The following STX8 variants were observed in gnomAD, a reference collection of about 807,000 sequenced individuals.
The protein encoded by STX8 is syntaxin 8, also known as syntaxin-8.
A neutral mutation model predicts 37.5 loss-of-function variants in STX8; 23 were observed. The ratio of observed to expected loss-of-function variants is 0.61; its 90% CI spans 0.44 to 0.87. STX8 has a LOEUF of 0.87. STX8 is among the 40% of genes least tolerant of loss of function. STX8 has a pLI of 0.00. For missense variants in STX8, 313 were observed against 284.7 expected, an observed-to-expected ratio of 1.10 and a Z score of -0.71; for synonymous variants, 115 against 99.1, an observed-to-expected ratio of 1.16 and a Z score of -0.95.
chr17:9,258,176 T>G (rs1222370670), intron 7 of STX8, among the ~76,000 whole-genome samples: 1 of 152,182 alleles, frequency 6.6e-6, no homozygotes, highest in Non-Finnish European at 1.5e-5. Context: ...TAGGTGACAT[T>G]TGCTTATGTA....
chr17:9,572,000 A>G (rs1165897212), intron 1 of STX8, among the ~76,000 whole-genome samples: 1 of 152,186 alleles, frequency 6.6e-6, no homozygotes, highest in African/African-American at 2.4e-5. Flanking sequence ...GGTGGTGAGT[A>G]TGAAAGGGGC....
At chr17:9,320,730 T>A (rs1005448590) in intron 7 of STX8, among the ~76,000 whole-genome samples, 2 of 143,782 alleles carry the variant, frequency 1.4e-5, no homozygotes, top group East Asian at 4.0e-4. Context: ...TCATCTCTAT[T>A]AAAAAAAAAA....
At chr17:9,499,257 C>T (rs922325772) in intron 5 of STX8, among the ~76,000 whole-genome samples, 8 of 152,086 alleles carry the variant, frequency 5.3e-5, no homozygotes, top group East Asian at 1.9e-4. Flanking sequence ...CTGGCAAGGA[C>T]GCAAACAAAG....
intron 7 of STX8, among the ~76,000 whole-genome samples, chr17:9,328,886 C>T (rs1909866681): frequency 1.3e-5 from 2 of 151,694 alleles, no homozygotes; most frequent in South Asian, 4.2e-4. Flanking sequence ...TCCATCTCTA[C>T]TAAAAGTACA....
In STX8 at chr17:9,507,084, T is replaced by G. The variant is rs964192877; in HGVS notation, c.324-1922A>C. The stretch of plus-strand genomic sequence containing the variant: ...CCCACTCTTGAGCCAACCAAACTGC[T>G]GCATACCCTCCTGCAAGCAGAAGGC... On this transcript the variant is annotated intron_variant, in intron 4 of 7. Transcript: ENST00000306357. This position sits in a 1 kb window ranked among gnomAD's most constrained non-coding sequence, Gnocchi z 4.0. Among the ~76,000 whole-genome samples, 1 of 151,904 alleles carries G rather than the reference T, an allele frequency of 6.6e-6. No homozygotes were observed. Among genetic ancestry groups the G allele is most frequent in the South Asian group, 2.1e-4 (1 of 4,814 alleles).
At chr17:9,493,710 T>C (rs1906954367) in intron 5 of STX8, among the ~76,000 whole-genome samples, 1 of 152,232 alleles carries the variant, frequency 6.6e-6, no homozygotes, top group South Asian at 2.1e-4. Flanking sequence ...TCCCTGCTAG[T>C]TCTGTTTTGA....
intron 4 of STX8, among the ~76,000 whole-genome samples, chr17:9,510,040 A>G (rs2142507292): frequency 6.6e-6 from 1 of 152,316 alleles, no homozygotes; most frequent in Non-Finnish European, 1.5e-5. Flanking sequence ...ACAAAGAAGG[A>G]CATTACATAA....
chr17:9,387,993 T>A (rs1346505886), intron 6 of STX8, among the ~76,000 whole-genome samples: 1 of 152,084 alleles, frequency 6.6e-6, no homozygotes, highest in Non-Finnish European at 1.5e-5. Context: ...AATGTTTTAA[T>A]CTAGACCGAA....
chr17:9,403,204 T>A (rs1028104162), intron 6 of STX8, among the ~76,000 whole-genome samples: 1 of 152,026 alleles, frequency 6.6e-6, no homozygotes, highest in African/African-American at 2.4e-5. Flanking sequence ...AAACACCATA[T>A]CAATCTAGAG....
rs903127388 is a variant in STX8 at position 9,545,231 on chromosome 17, A to C, written c.264T>G (p.Thr88=). The change falls in exon 4 of 8, where the codon ACT becomes ACG. Residue 88 remains threonine (T), a synonymous_variant. Transcript: ENST00000306357. ...RRQNLLDDLV[T]RERLLLASFK... Reference sequence around the variant, plus strand: ...AGGATGCCAGAAGTAGTCTCTCTCGAGTTACAAGATCATCCAAGAGGTTCT... The same window carrying C: ...AGGATGCCAGAAGTAGTCTCTCTCGCGTTACAAGATCATCCAAGAGGTTCT... 1 of 1,614,118 alleles carries C rather than the reference A, an allele frequency of 6.2e-7. No individual in the cohort carries two copies. Among genetic ancestry groups the C allele is most frequent in the Non-Finnish European group, 8.5e-7 (1 of 1,180,014 alleles).
chr17:9,415,383 G>C (rs1286656920), intron 6 of STX8, among the ~76,000 whole-genome samples: 2 of 151,876 alleles, frequency 1.3e-5, no homozygotes. Flanking sequence ...CAAGTTCCTG[G>C]TATCTGTAGC....
intron 6 of STX8, among the ~76,000 whole-genome samples, chr17:9,380,114 CTTT>C (rs1378548256): frequency 2.0e-5 from 3 of 152,062 alleles, no homozygotes; most frequent in Non-Finnish European, 4.4e-5. Flanking sequence ...TTGTATCCAT[CTTT>C]TTATATTTAC....
chr17:9,442,246 T>C (rs1360371028), intron 6 of STX8, among the ~76,000 whole-genome samples: 4 of 152,122 alleles, frequency 2.6e-5, no homozygotes, highest in Non-Finnish European at 5.9e-5. Context: ...CTCCCCTCCA[T>C]CCATCCACTT....
chr17:9,503,213 A>G (rs560495160), intron 5 of STX8, among the ~76,000 whole-genome samples: 24 of 151,710 alleles, frequency 1.6e-4, no homozygotes, highest in African/African-American at 5.8e-4. Context: ...CTTCTTCCCC[A>G]AAAGGTACAT....
intron 7 of STX8, among the ~76,000 whole-genome samples, chr17:9,262,565 GTTT>G (rs372401723): frequency 1.3e-5 from 2 of 149,482 alleles, no homozygotes; most frequent in East Asian, 2.0e-4. Context: ...GGTGTTTTTT[GTTT>G]TTTTTGTTTT....
chr17:9,565,398 T>C (rs1047862794), intron 2 of STX8, among the ~76,000 whole-genome samples: 6 of 151,532 alleles, frequency 4.0e-5, no homozygotes, highest in Non-Finnish European at 7.4e-5. Context: ...GGCAGATCAC[T>C]TGAGGTCAGG....
intron 6 of STX8, among the ~76,000 whole-genome samples, chr17:9,477,656 C>T (rs28730347): frequency 0.025 from 3,790 of 152,176 alleles, 140 homozygotes; most frequent in African/African-American, 0.084. Flanking sequence ...ATACTGACTA[C>T]AGAAATAAAA....
At chr17:9,562,417 A>G (rs1270772428) in intron 2 of STX8, among the ~76,000 whole-genome samples, 2 of 152,020 alleles carry the variant, frequency 1.3e-5, no homozygotes, top group Admixed American at 6.6e-5. Context: ...GGAAAAAAAA[A>G]AAAAAACTTT....
At chr17:9,350,140 C>A (rs1337899189) in intron 7 of STX8, among the ~76,000 whole-genome samples, 1 of 151,356 alleles carries the variant, frequency 6.6e-6, no homozygotes, top group Non-Finnish European at 1.5e-5. Flanking sequence ...TGATGATGGC[C>A]ATAGCTGGAT....
Sources: allele counts gnomAD v4.1 joint callset (sites outside exome capture counted in the v4.1 genomes callset), GRCh38; gene constraint gnomAD v4.1.1; non-coding constraint Gnocchi (gnomAD v3.1); transcripts MANE v1.5; gene names NCBI Gene and HGNC (gene_info 2026-07-23, HGNC 2026-07-21).